Variants in MCM3 observed in about 807,000 individuals in gnomAD.
The protein encoded by MCM3 is minichromosome maintenance complex component 3, also known as DNA replication licensing factor MCM3.
In MCM3, 59 loss-of-function variants were observed where a neutral mutation model predicts 91.3. The observed-to-expected ratio is 0.65, with a 90% CI of 0.52 to 0.80. The LOEUF is 0.80. Ranked by LOEUF, MCM3 falls within the 30% of genes least tolerant of loss-of-function variation. The pLI is 0.00. For synonymous variants in MCM3, 383 were observed against 379.6 expected (o/e 1.01, Z -0.10); for missense variants, 919 against 1,035.4 (o/e 0.89, Z 1.54).
At chr6:52,269,296 A>T (rs1764907082) in intron 12 of MCM3, 70 bp from the exon 13 acceptor site, 2 of 1,502,820 alleles carry the variant, frequency 1.3e-6, no homozygotes, top group Non-Finnish European at 1.8e-6. Flanking sequence ...ACTGCACAGA[A>T]AGGGAAATGA....
intron 7 of MCM3, 114 bp from the exon 8 acceptor site, chr6:52,277,312 A>G (rs1455031281): frequency 2.5e-6 from 3 of 1,208,910 alleles, no homozygotes; most frequent in Non-Finnish European, 3.4e-6. Context: ...GTGGATTTTA[A>G]TATTTTTCCT....
At chr6:52,283,184 G>T in intron 2 of MCM3, 110 bp downstream of exon 2, 3 of 852,838 alleles carry the variant, frequency 3.5e-6, no homozygotes, top group South Asian at 1.6e-5. Context: ...ACGAGGGCTT[G>T]TAGATCAATC....
At chr6:52,266,182 A>G in intron 15 of MCM3, 38 bp from the exon 16 acceptor site, 1 of 1,467,030 alleles carries the variant, frequency 6.8e-7, no homozygotes, top group South Asian at 1.1e-5. Flanking sequence ...GGGGAAGATA[A>G]GCAAGGTGAA....
chr6:52,269,958 A>T (rs1764962807), intron 12 of MCM3, among the ~76,000 whole-genome samples: 1 of 152,214 alleles, frequency 6.6e-6, no homozygotes, highest in Admixed American at 6.5e-5. Flanking sequence ...TTTTATGGAT[A>T]AGAAAGCTGA....
intron 12 of MCM3, 52 bp from the exon 13 acceptor site, chr6:52,269,278 T>C: frequency 6.4e-7 from 1 of 1,562,824 alleles, no homozygotes; most frequent in Non-Finnish European, 8.7e-7. Context: ...GGCATGCCCA[T>C]CAATCCTACT....
intron 16 of MCM3, chr6:52,265,150 AAATTT>A (rs1764544418): frequency 2.9e-6 from 1 of 342,750 alleles, no homozygotes; most frequent in Non-Finnish European, 5.8e-6. Flanking sequence ...GCACACTGAT[AAATTT>A]AATACTGTTT....
In MCM3 at chr6:52,276,377, A is replaced by G. The variant is rs761651628; in HGVS notation, c.1265T>C (p.Ile422Thr). ...TCGACCCTGCTCCATCACTTCATGGATGGCTGTGCGATCCATGTCAGACAT... is the reference window on the plus strand; with the variant it reads ...TCGACCCTGCTCCATCACTTCATGGGTGGCTGTGCGATCCATGTCAGACAT... ...DKMSDMDRTAIHEVMEQGRVT... is the reference protein window; with the variant it reads ...DKMSDMDRTATHEVMEQGRVT... The change falls in exon 9 of 17, where the codon ATC becomes ACC. Residue 422 changes from isoleucine (I) to threonine (T), a missense_variant. By Grantham distance (89) the Ile-to-Thr change is moderately conservative. Around this residue, in one of 3 missense-constraint regions of MCM3, gnomAD observed 233 missense variants for 321.2 expected, o/e 0.73. Transcript: ENST00000596288. 1.1e-5 allele frequency: 18 copies of G among 1,614,058 alleles called. No individual in the cohort carries two copies. The highest frequency in any genetic ancestry group is 8.5e-7 in the Non-Finnish European group (1 of 1,180,048).
rs545686766 is a variant in MCM3 at position 52,281,557 on chromosome 6, A to G, written c.531+488T>C. ...TTAGCGGACCTGGTGGTGCATGCCT[A>G]TAATCCCAGGTACTCAGGAGGCTAA... On this transcript the variant is annotated intron_variant, in intron 4 of 16. Transcript: ENST00000596288. Among the ~76,000 whole-genome samples, 3 of 152,160 alleles carry G rather than the reference A, an allele frequency of 2.0e-5. No individual in the cohort carries two copies. In the South Asian group the frequency reaches 6.2e-4, roughly 32 times the overall value.
intron 11 of MCM3, among the ~76,000 whole-genome samples, 190 bp from the exon 12 acceptor site, chr6:52,272,641 AAGTT>A (rs1427172458): frequency 6.6e-6 from 1 of 152,208 alleles, no homozygotes. Context: ...TATTATTTGT[AAGTT>A]AGGTAGTTTA....
intron 9 of MCM3, among the ~76,000 whole-genome samples, chr6:52,274,596 G>A (rs1376795425): frequency 6.6e-6 from 1 of 151,968 alleles, no homozygotes; most frequent in Non-Finnish European, 1.5e-5. Context: ...GCTGAGGTGG[G>A]AGGATCACCT....
chr6:52,265,743 T>C (rs1042989307), intron 16 of MCM3, among the ~76,000 whole-genome samples: 1 of 152,150 alleles, frequency 6.6e-6, no homozygotes, highest in Non-Finnish European at 1.5e-5. Flanking sequence ...GGCCAAAATG[T>C]ATCTATCCCA....
Position 52,284,703 on chromosome 6 carries a change from A to C in MCM3, c.-29T>G, listed in dbSNP as rs776059978. On this transcript the variant is annotated 5_prime_UTR_variant, in exon 1 of 17. Transcript: ENST00000596288. ...CGCTGCCAAAGAACTACCTCCACCA[A>C]AGTCGCGTGGAGGTTCCCAGGATGA... 1 of 1,594,162 alleles carries C rather than the reference A, an allele frequency of 6.3e-7. No individual in the cohort carries two copies.
At position 52,279,378 on chromosome 6, in the gene MCM3, G is replaced by A. The variant is rs189699876; in HGVS notation, c.753C>T (p.Tyr251=). ...YRCLPGKKGG[Y]TSGTFRTVLI... is the part of the protein sequence containing the mutation. ...CCCTTTACCTGAAGGTCCCAGAGGT[G>A]TAGCCTCCCTTCTTTCCAGGAAGGC... is the stretch of plus-strand genomic sequence containing the variant. Residue 251 remains tyrosine (Y), a synonymous_variant, in exon 5 of 17, where the codon TAC becomes TAT. Transcript: ENST00000596288. 151 of 1,613,900 alleles carry A rather than the reference G, an allele frequency of 9.4e-5. No homozygotes were observed. In the East Asian group the frequency reaches 3.3e-3, roughly 35 times the overall value.
rs1453420694 is a variant in MCM3 at position 52,264,447 on chromosome 6, C to T, written c.*141G>A. 8 of 900,868 alleles carry T rather than the reference C, an allele frequency of 8.9e-6. No individual in the cohort carries two copies. Among genetic ancestry groups the T allele is most frequent in the Non-Finnish European group, 1.4e-5 (8 of 584,094 alleles). The allele number at this position is 900,868 out of a possible 1,614,324, so 55.8% of individuals were successfully genotyped here. On this transcript the variant is annotated 3_prime_UTR_variant, in exon 17 of 17. Coordinates refer to ENST00000596288, the MANE Select transcript of MCM3 (RefSeq NM_002388.6). ...CAAAGGGTCCACCGAGTCCTGAACT[C>T]AGCTTCATCACCAACATTCCTCGCC...
In MCM3 at chr6:52,264,468, T is replaced by G; in HGVS notation, c.*120A>C. 1.8e-6 allele frequency: 2 copies of G among 1,092,246 alleles called. No individual in the cohort carries two copies. The highest frequency in any genetic ancestry group is 4.0e-5 in the Admixed American group (2 of 49,396). The allele number at this position is 1,092,246 out of a possible 1,614,324, so 67.7% of individuals were successfully genotyped here. On this transcript the variant is annotated 3_prime_UTR_variant, in exon 17 of 17. Coordinates refer to ENST00000596288, the MANE Select transcript of MCM3 (RefSeq NM_002388.6). ...AACTCAGCTTCATCACCAACATTCC[T>G]CGCCTTCAGTTGAATTCAACACTGT...
intron 8 of MCM3, 138 bp from the exon 9 acceptor site, chr6:52,276,614 TAG>T: frequency 1.4e-6 from 1 of 709,164 alleles, no homozygotes; most frequent in Non-Finnish European, 2.3e-6. Context: ...CCGAGAAACT[TAG>T]AGGAAACCCT....
intron 9 of MCM3, among the ~76,000 whole-genome samples, 164 bp from the exon 10 acceptor site, chr6:52,274,080 A>G (rs967606758): frequency 6.6e-6 from 1 of 152,214 alleles, no homozygotes; most frequent in African/African-American, 2.4e-5. Flanking sequence ...TAAACAATGT[A>G]AATCATCTCT....
At chr6:52,283,208 G>T in intron 2 of MCM3, 86 bp downstream of exon 2, 1 of 1,050,384 alleles carries the variant, frequency 9.5e-7, no homozygotes, top group Non-Finnish European at 1.5e-6. Context: ...TTTCATACAA[G>T]TCCTCTCCTG....
chr6:52,271,103 G>A (rs1434986845), intron 12 of MCM3, among the ~76,000 whole-genome samples: 2 of 151,878 alleles, frequency 1.3e-5, no homozygotes, highest in South Asian at 2.1e-4. Flanking sequence ...CCACCTACCC[G>A]GGAGGCGGAG....
Sources: allele counts gnomAD v4.1 joint callset (sites outside exome capture counted in the v4.1 genomes callset), GRCh38; gene constraint gnomAD v4.1.1; regional missense constraint gnomAD v4.1.1; transcripts MANE v1.5; gene names NCBI Gene and HGNC (gene_info 2026-07-23, HGNC 2026-07-21).